SLC22A4: variants seen among roughly 807,000 people sequenced by gnomAD.
SLC22A4 encodes the protein ET transporter.
A neutral mutation model predicts 56.6 loss-of-function variants in SLC22A4; 39 were observed. The ratio of observed to expected loss-of-function variants is 0.69; its 90% CI spans 0.53 to 0.90. The LOEUF (loss-of-function observed/expected upper bound fraction) is 0.90. SLC22A4 is among the 40% of genes least tolerant of loss of function. SLC22A4 has a pLI of 0.00. For synonymous variants in SLC22A4, 241 were observed against 281.4 expected (o/e 0.86, Z 1.44); for missense variants, 594 against 696.5 (o/e 0.85, Z 1.66).
At position 132,340,548 on chromosome 5, in the gene SLC22A4, T is replaced by C. The variant is rs374174747; in HGVS notation, c.1445-17T>C. ...TCCTCCTATCTGATTGATGTTCTTA[T>C]GTCCCGGGCTTTACAGGTGCTTACA... On this transcript the variant is annotated splice_polypyrimidine_tract_variant and intron_variant, in intron 8 of 9. Coordinates refer to ENST00000200652, the MANE Select transcript of SLC22A4 (RefSeq NM_003059.3). 5.0e-6 allele frequency: 8 copies of C among 1,613,604 alleles called. No homozygotes were observed. The African/African-American group carries it at 9.3e-5, about 19-fold the overall frequency.
chr5:132,322,992 G>A (rs1033747352), intron 4 of SLC22A4, among the ~76,000 whole-genome samples: 1 of 152,134 alleles, frequency 6.6e-6, no homozygotes, highest in Admixed American at 6.5e-5. Flanking sequence ...TCAGGTGAAA[G>A]AATAAATTAA....
intron 3 of SLC22A4, among the ~76,000 whole-genome samples, chr5:132,314,304 C>T (rs1423352745): frequency 1.3e-5 from 2 of 152,162 alleles, no homozygotes; most frequent in East Asian, 1.9e-4. Context: ...CAGGACAAGC[C>T]TCCCCACACT....
At chr5:132,300,781 C>T (rs1749890244) in intron 1 of SLC22A4, among the ~76,000 whole-genome samples, 1 of 152,198 alleles carries the variant, frequency 6.6e-6, no homozygotes, top group East Asian at 1.9e-4. Flanking sequence ...CCAGTCACAG[C>T]TCGTTGCTAA....
intron 1 of SLC22A4, among the ~76,000 whole-genome samples, chr5:132,309,770 A>T (rs1243548280): frequency 6.6e-6 from 1 of 152,270 alleles, no homozygotes; most frequent in Non-Finnish European, 1.5e-5. Context: ...GACCTTGCAA[A>T]TTAAGTAGCC....
At chr5:132,314,252 C>T (rs1335475801) in intron 3 of SLC22A4, among the ~76,000 whole-genome samples, 1 of 152,206 alleles carries the variant, frequency 6.6e-6, no homozygotes, top group Non-Finnish European at 1.5e-5. Flanking sequence ...TATCTGGCCT[C>T]ACCCTGAGTT....
At chr5:132,295,572 C>T in intron 1 of SLC22A4, 2 of 296,328 alleles carry the variant, frequency 6.7e-6, no homozygotes, top group South Asian at 3.0e-5. Flanking sequence ...GCACAGAAGG[C>T]GAAACCCCAG....
intron 3 of SLC22A4, among the ~76,000 whole-genome samples, chr5:132,316,630 A>G (rs1750366498): frequency 6.6e-6 from 1 of 152,170 alleles, no homozygotes; most frequent in Non-Finnish European, 1.5e-5. Flanking sequence ...TCCATGTGAC[A>G]TTTCTTTGGG....
At chr5:132,334,689 C>T in intron 6 of SLC22A4, 29 bp from the exon 7 acceptor site, 2 of 1,484,878 alleles carry the variant, frequency 1.3e-6, no homozygotes, top group Non-Finnish European at 1.9e-6. Context: ...TCACACCATC[C>T]CTTTGTCATT....
At chr5:132,335,694 T>G in intron 7 of SLC22A4, 124 bp from the exon 8 acceptor site, 1 of 832,414 alleles carries the variant, frequency 1.2e-6, no homozygotes, top group South Asian at 1.4e-5. Context: ...GAAAATGCTA[T>G]TTTGGGAATA....
At chr5:132,299,665 G>C (rs1170734389) in intron 1 of SLC22A4, among the ~76,000 whole-genome samples, 1 of 152,076 alleles carries the variant, frequency 6.6e-6, no homozygotes, top group African/African-American at 2.4e-5. Flanking sequence ...TGTTGGCCAG[G>C]CTGGTCTCGA....
At chr5:132,340,423 T>G in intron 8 of SLC22A4, 142 bp from the exon 9 acceptor site, 1 of 821,480 alleles carries the variant, frequency 1.2e-6, no homozygotes, top group Non-Finnish European at 2.1e-6. Flanking sequence ...GAAACTGATA[T>G]TTTGCTTACT....
At chr5:132,300,159 C>T (rs746652518) in intron 1 of SLC22A4, among the ~76,000 whole-genome samples, 3 of 152,172 alleles carry the variant, frequency 2.0e-5, no homozygotes, top group Non-Finnish European at 4.4e-5. Flanking sequence ...TTGCGTTATG[C>T]ACTTTTTGGT....
At chr5:132,341,300 C>T (rs1022753648) in intron 9 of SLC22A4, among the ~76,000 whole-genome samples, 14 of 151,846 alleles carry the variant, frequency 9.2e-5, no homozygotes, top group African/African-American at 3.4e-4. Flanking sequence ...CACCTGTAGT[C>T]CCAGCTACTC....
chr5:132,341,309 T>C (rs1751212259), intron 9 of SLC22A4, among the ~76,000 whole-genome samples: 2 of 151,574 alleles, frequency 1.3e-5, no homozygotes, highest in Admixed American at 1.3e-4. Context: ...TCCCAGCTAC[T>C]CAGGAGGCTG....
intron 1 of SLC22A4, 181 bp from the exon 2 acceptor site, chr5:132,311,980 G>T (rs1750192539): frequency 2.9e-6 from 2 of 678,998 alleles, no homozygotes; most frequent in South Asian, 3.2e-5. Flanking sequence ...ACTCTCCCCA[G>T]TCCCGGCACA....
At chr5:132,339,475 TACACAC>T (rs58759726) in intron 8 of SLC22A4, among the ~76,000 whole-genome samples, 7 of 146,638 alleles carry the variant, frequency 4.8e-5, no homozygotes, top group African/African-American at 1.0e-4. Flanking sequence ...GGTACACACG[TACACAC>T]ACACACACAC....
intron 1 of SLC22A4, among the ~76,000 whole-genome samples, chr5:132,301,600 G>C (rs1041698765): frequency 1.3e-5 from 2 of 152,210 alleles, no homozygotes. Flanking sequence ...ACCCAGAGGC[G>C]AGCCAGGTTA....
At position 132,331,770 on chromosome 5, in the gene SLC22A4, G is replaced by A. The variant is rs1342764799; in HGVS notation, c.966G>A (p.Leu322=). The stretch of plus-strand genomic sequence containing the variant: ...TTTGGTTACAGGAGCTAAATCCCCT[G>A]AAGCAGCAGAAAGCTTTCATTCTGG... ...IFDSVEELNP[L]KQQKAFILDL... is the part of the protein sequence containing the mutation. The change falls in exon 6 of 10, where the codon CTG becomes CTA. Residue 322 remains leucine (L), a synonymous_variant. Coordinates refer to ENST00000200652, the MANE Select transcript of SLC22A4 (RefSeq NM_003059.3). 5 of 1,613,272 alleles carry A rather than the reference G, an allele frequency of 3.1e-6. No homozygotes were observed. Among genetic ancestry groups the A allele is most frequent in the Admixed American group, 3.3e-5 (2 of 60,030 alleles).
At chr5:132,337,268 CCTTT>C (rs1480205051) in intron 8 of SLC22A4, among the ~76,000 whole-genome samples, 7 of 67,150 alleles carry the variant, frequency 1.0e-4, no homozygotes, top group Non-Finnish European at 1.5e-4. Context: ...ATAAAGATTA[CCTTT>C]TTTTTTTTTT....
Sources: gnomAD v4.1 joint callset for allele counts (sites outside exome capture counted in the v4.1 genomes callset) on GRCh38, gnomAD v4.1.1 for gene constraint, MANE v1.5 for transcripts, NCBI Gene and HGNC (gene_info 2026-07-23, HGNC 2026-07-21) for gene names.